Variants in NEMF observed in about 807,000 individuals in gnomAD.
NEMF encodes the protein nuclear export mediator factor, also known as ribosome quality control complex subunit NEMF.
A neutral mutation model predicts 162.2 loss-of-function variants in NEMF; 89 were observed. The ratio of observed to expected loss-of-function variants is 0.55; its 90% CI spans 0.46 to 0.65. The LOEUF (loss-of-function observed/expected upper bound fraction) is 0.65. Ranked by LOEUF, NEMF falls within the 30% of genes least tolerant of loss-of-function variation. NEMF has a pLI of 0.00. For synonymous variants in NEMF, 421 were observed against 404.5 expected, an observed-to-expected ratio of 1.04 and a Z score of -0.49; for missense variants, 1,133 against 1,261.9, an observed-to-expected ratio of 0.90 and a Z score of 1.55.
At chr14:49,793,611 A>G (rs1207529677) in intron 26 of NEMF, among the ~76,000 whole-genome samples, 3 of 152,228 alleles carry the variant, frequency 2.0e-5, no homozygotes, top group Non-Finnish European at 4.4e-5. Flanking sequence ...ACCTATCTGC[A>G]GAATATTTCA....
chr14:49,850,354 T>C (rs1313208585), intron 3 of NEMF, among the ~76,000 whole-genome samples: 2 of 152,126 alleles, frequency 1.3e-5, no homozygotes, highest in Non-Finnish European at 2.9e-5. Flanking sequence ...TCCCAAAGTG[T>C]TGGAATTACA....
At chr14:49,792,268 G>C (rs1255219331) in intron 26 of NEMF, among the ~76,000 whole-genome samples, 1 of 152,146 alleles carries the variant, frequency 6.6e-6, no homozygotes, top group Admixed American at 6.5e-5. Context: ...CCAGGCTGGA[G>C]TGCAGTGCAT....
chr14:49,785,446 G>T (rs1198753630), intron 29 of NEMF, 126 bp from the exon 30 acceptor site: 1 of 669,932 alleles, frequency 1.5e-6, no homozygotes, highest in Non-Finnish European at 2.7e-6. Flanking sequence ...ATCTAAGCTG[G>T]AACAGTGGTA....
At chr14:49,817,474 C>T (rs1891772729) in intron 16 of NEMF, among the ~76,000 whole-genome samples, 2 of 151,898 alleles carry the variant, frequency 1.3e-5, no homozygotes, top group Non-Finnish European at 2.9e-5. Flanking sequence ...AAAAGATATA[C>T]CATGTAAACA....
intron 4 of NEMF, 48 bp downstream of exon 4, chr14:49,846,092 T>C (rs773281753): frequency 1.9e-6 from 3 of 1,562,562 alleles, no homozygotes; most frequent in Non-Finnish European, 2.6e-6. Context: ...TATTACAAAA[T>C]GATTAATAAG....
intron 22 of NEMF, 43 bp from the exon 23 acceptor site, chr14:49,800,739 C>G: frequency 6.4e-7 from 1 of 1,551,866 alleles, no homozygotes; most frequent in Non-Finnish European, 8.8e-7. Flanking sequence ...GACTACCAAC[C>G]AAGCCAGGTG....
intron 3 of NEMF, among the ~76,000 whole-genome samples, chr14:49,849,228 A>T (rs1893657991): frequency 6.6e-6 from 1 of 152,228 alleles, no homozygotes; most frequent in African/African-American, 2.4e-5. Flanking sequence ...TCCCTGAGTA[A>T]TAATTTTATT....
intron 32 of NEMF, 101 bp from the exon 33 acceptor site, chr14:49,784,814 G>A: frequency 1.4e-6 from 2 of 1,390,732 alleles, no homozygotes; most frequent in South Asian, 2.4e-5. Flanking sequence ...TAGCTGAGAT[G>A]GTTTTACTGC....
chr14:49,782,298 C>A lies in NEMF; in HGVS notation c.*2338G>T. 2.2e-6 allele frequency: 2 copies of A among 906,176 alleles called. No homozygotes were observed. The highest frequency in any genetic ancestry group is 3.5e-6 in the Non-Finnish European group (2 of 570,280). The allele number at this position is 906,176 out of a possible 1,614,324, so 56.1% of individuals were successfully genotyped here. On this transcript the variant is annotated 3_prime_UTR_variant, in exon 33 of 33. Transcript: ENST00000298310. ...AAGATCGCTAGTCTTTATTTCATAG[C>A]TCTATTCTGTAGTATAAAATGGCCA...
chr14:49,816,787 A>AC (rs1156634958), intron 16 of NEMF, among the ~76,000 whole-genome samples: 1 of 152,210 alleles, frequency 6.6e-6, no homozygotes, highest in Non-Finnish European at 1.5e-5. Context: ...CCATTCCCCT[A>AC]CTGATAGTAA....
At position 49,783,069 on chromosome 14, in the gene NEMF, AATGTGC is replaced by A; in HGVS notation, c.*1561_*1566del. Reference sequence around the variant, plus strand: ...GTTGTAGTTTGCACCTGTTGGTTTTAATGTGCATGTGAATGGCCTAGAGAACCTATT... The same window carrying A: ...GTTGTAGTTTGCACCTGTTGGTTTTAATGTGAATGGCCTAGAGAACCTATT... On this transcript the variant is annotated 3_prime_UTR_variant, in exon 33 of 33. Transcript: ENST00000298310. 6.4e-6 allele frequency: 7 copies of A among 1,088,728 alleles called. No individual in the cohort carries two copies. The highest frequency in any genetic ancestry group is 9.1e-6 in the Non-Finnish European group (7 of 771,818). 67.4% of individuals were successfully genotyped at this position (1,088,728 alleles called of 1,614,324 possible). A position where few individuals can be genotyped will look rare whatever the true frequency, so the allele number is the denominator to read the frequency against.
intron 11 of NEMF, 121 bp downstream of exon 11, chr14:49,831,177 AG>A: frequency 1.7e-6 from 1 of 595,418 alleles, no homozygotes; most frequent in East Asian, 2.8e-5. Flanking sequence ...ATAAAGAGGC[AG>A]GTCAGAGAGT....
At chr14:49,794,967 C>T (rs4442704) in intron 26 of NEMF, among the ~76,000 whole-genome samples, 147,040 of 152,020 alleles carry the variant, frequency 0.97, 71,318 homozygotes, top group East Asian at 1. Flanking sequence ...ATCCACCTGC[C>T]TCAGCCTCCC....
At chr14:49,841,635 G>A (rs1318505879) in intron 4 of NEMF, among the ~76,000 whole-genome samples, 3 of 149,674 alleles carry the variant, frequency 2.0e-5, no homozygotes, top group African/African-American at 7.4e-5. Context: ...TCAGAAGCCA[G>A]CCAGGCAAGG....
At position 49,833,509 on chromosome 14, in the gene NEMF, G is replaced by T. The variant is rs751087231; in HGVS notation, c.662-13C>A. ...ACTTTTTCAATATCTAATGGTGGGG[G>T]AAAAAAAGGAAAAAAGGAGTGCCAA... On this transcript the variant is annotated splice_polypyrimidine_tract_variant and intron_variant, in intron 7 of 32. Transcript: ENST00000298310. The T allele has an allele frequency of 6.6e-7, 1 of 1,526,568 alleles. No individual in the cohort carries two copies. Among genetic ancestry groups the T allele is most frequent in the South Asian group, 1.2e-5 (1 of 81,980 alleles). 94.6% of individuals were successfully genotyped at this position (1,526,568 alleles called of 1,614,324 possible).
At position 49,803,336 on chromosome 14, in the gene NEMF, T is replaced by C. The variant is rs372602430; in HGVS notation, c.1858-42A>G. ...TACATTATATTCTTATTTAAAAAAA[T>C]ACTCTAGTTTTCTTTTTCCACTTGA... On this transcript the variant is annotated intron_variant, in intron 19 of 32. Coordinates refer to ENST00000298310, the MANE Select transcript of NEMF (RefSeq NM_004713.6). 6.0e-5 allele frequency: 82 copies of C among 1,374,236 alleles called. No individual in the cohort carries two copies. In the African/African-American group the frequency reaches 9.8e-4, roughly 16 times the overall value. The allele number at this position is 1,374,236 out of a possible 1,614,324, so 85.1% of individuals were successfully genotyped here.
At chr14:49,842,982 G>A (rs1278459836) in intron 4 of NEMF, among the ~76,000 whole-genome samples, 4 of 152,060 alleles carry the variant, frequency 2.6e-5, no homozygotes, top group African/African-American at 9.7e-5. Context: ...CTCCAGCCTG[G>A]CGACAGGGTG....
chr14:49,790,749 G>A (rs1428257384), intron 26 of NEMF, among the ~76,000 whole-genome samples: 3 of 152,148 alleles, frequency 2.0e-5, no homozygotes, highest in African/African-American at 7.2e-5. Context: ...CAACACTTTG[G>A]GAGGTCTGGG....
At chr14:49,847,813 C>T (rs1893582744) in intron 3 of NEMF, among the ~76,000 whole-genome samples, 1 of 150,800 alleles carries the variant, frequency 6.6e-6, no homozygotes, top group South Asian at 2.1e-4. Context: ...AGGTGGATCA[C>T]TTGAGGTCAG....
Sources: gnomAD v4.1 joint callset for allele counts (sites outside exome capture counted in the v4.1 genomes callset) on GRCh38, gnomAD v4.1.1 for gene constraint, MANE v1.5 for transcripts, NCBI Gene and HGNC (gene_info 2026-07-23, HGNC 2026-07-21) for gene names.